Variants in MTCL1 observed in about 807,000 individuals in gnomAD.
MTCL1 encodes the protein microtubule cross-linking factor 1.
MTCL1 carries 79 observed loss-of-function variants against 141.4 expected under a neutral mutation model. That is an observed-to-expected ratio of 0.56 (90% confidence interval 0.47 to 0.67). MTCL1 has a LOEUF of 0.67. Ranked by LOEUF, MTCL1 falls within the 30% of genes least tolerant of loss-of-function variation. The pLI is 0.00. For synonymous variants in MTCL1, 914 were observed against 875.8 expected, an observed-to-expected ratio of 1.04 and a Z score of -0.77; for missense variants, 2,177 against 2,113.9, an observed-to-expected ratio of 1.03 and a Z score of -0.59.
At chr18:8,720,120 C>T in intron 3 of MTCL1, 1 of 513,780 alleles carries the variant, frequency 1.9e-6, no homozygotes, top group Non-Finnish European at 3.4e-6. Context: ...AATGCACCAC[C>T]ATCAGACCAG....
chr18:8,772,324 T>C (rs2096488194), intron 4 of MTCL1, among the ~76,000 whole-genome samples: 1 of 152,226 alleles, frequency 6.6e-6, no homozygotes, highest in South Asian at 2.1e-4. Flanking sequence ...AATCGGTGAA[T>C]AACTTCCATT....
rs542308852 is a variant in MTCL1, at chr18:8,757,593, C to T, written c.358-20240C>T. Among the ~76,000 whole-genome samples the T allele has an allele frequency of 2.4e-4, 36 of 152,308 alleles. No individual in the cohort carries two copies. The South Asian group carries it at 2.5e-3, about 11-fold the overall frequency. On this transcript the variant is annotated intron_variant, in intron 4 of 16. Coordinates refer to ENST00000359865, the Ensembl canonical transcript of MTCL1. ...CAATCAGTCAGCAGTGAGGAGACCCCGGCAGGGATCTAGAACAGGAAGGGG... is the reference window on the plus strand; with the variant it reads ...CAATCAGTCAGCAGTGAGGAGACCCTGGCAGGGATCTAGAACAGGAAGGGG...
At chr18:8,724,929 C>A (rs1300448961) in intron 4 of MTCL1, among the ~76,000 whole-genome samples, 5 of 151,532 alleles carry the variant, frequency 3.3e-5, no homozygotes, top group African/African-American at 1.2e-4. Context: ...TAGGCACCCA[C>A]ACGCCCTCTG....
chr18:8,778,562 C>T (rs115153766), intron 5 of MTCL1, among the ~76,000 whole-genome samples: 1 of 152,156 alleles, frequency 6.6e-6, no homozygotes, highest in African/African-American at 2.4e-5. Context: ...CAACCTCCAC[C>T]GACCTCCTGC....
exon 13 of MTCL1, chr18:8,819,021 G>A: frequency 6.2e-7 from 1 of 1,614,242 alleles, no homozygotes; most frequent in Non-Finnish European, 8.5e-7. Context: ...CAAAAAGACG[G>A]CAACGTTCGC....
intron 4 of MTCL1, among the ~76,000 whole-genome samples, chr18:8,726,505 G>A (rs766592715): frequency 4.5e-5 from 4 of 88,762 alleles, no homozygotes; most frequent in African/African-American, 1.1e-4. Flanking sequence ...GCGCGCGCGC[G>A]CGCAAGAGCG....
At chr18:8,731,525 GATCGCGTC>G (rs1163492521) in intron 4 of MTCL1, among the ~76,000 whole-genome samples, 1 of 152,034 alleles carries the variant, frequency 6.6e-6, no homozygotes, top group Non-Finnish European at 1.5e-5. Context: ...AGTGAGCCAA[GATCGCGTC>G]ATCGCACTCC....
At chr18:8,816,560 A>C (rs147796974) in intron 12 of MTCL1, among the ~76,000 whole-genome samples, 339 of 152,216 alleles carry the variant, frequency 2.2e-3, no homozygotes, top group African/African-American at 8.0e-3. Context: ...TTCTCCTTAG[A>C]ATTGTTGAGT....
rs1173989668 is a variant in MTCL1 at position 8,830,759 on chromosome 18, C to T, written c.*19-848C>T. On this transcript the variant is annotated intron_variant, in intron 16 of 16. Coordinates refer to ENST00000359865, the Ensembl canonical transcript of MTCL1. This position sits in a 1 kb window ranked among gnomAD's most constrained non-coding sequence, Gnocchi z 6.4. ...AGTTTTCTCATGCCACAGCTTTTTA[C>T]ATTTCTGTGTATCAGCAAATTCCAA... 1 of 985,316 alleles carries T rather than the reference C, an allele frequency of 1.0e-6. No homozygotes were observed. Among genetic ancestry groups the T allele is most frequent in the East Asian group, 1.1e-4 (1 of 8,826 alleles). The allele number at this position is 985,316 out of a possible 1,614,324, so 61.0% of individuals were successfully genotyped here.
Position 8,705,935 on chromosome 18 carries a change from C to T in MTCL1, c.275C>T (p.Ala92Val). 9.2e-7 allele frequency: 1 copy of T among 1,087,642 alleles called. No homozygotes were observed. The highest frequency in any genetic ancestry group is 1.1e-6 in the Non-Finnish European group (1 of 898,136). 67.4% of individuals were successfully genotyped at this position (1,087,642 alleles called of 1,614,324 possible). A position where few individuals can be genotyped will look rare whatever the true frequency, so the allele number is the denominator to read the frequency against. ...GCGCCGCCCTCGCCGGGGTCCCTGGCCGCGCCCGGCCGCCTCTCTCGGCGC... is the reference window on the plus strand; with the variant it reads ...GCGCCGCCCTCGCCGGGGTCCCTGGTCGCGCCCGGCCGCCTCTCTCGGCGC... Residue 92 changes from alanine to valine, a missense_variant, in exon 1 of 14, where the codon GCC (alanine) becomes GTC (valine). Ala to Val is a moderately conservative substitution (Grantham distance 64). Coordinates refer to the MTCL1 transcript ENST00000306329. The surrounding 1 kb of genome is among the most constrained non-coding windows in gnomAD (Gnocchi z 5.2).
At chr18:8,716,699 A>G (rs1474277865), upstream of MTCL1, among the ~76,000 whole-genome samples, 2 of 152,042 alleles carry the variant, frequency 1.3e-5, no homozygotes, top group South Asian at 2.1e-4. Context: ...AACAAAGGGA[A>G]TAGCAGGACG....
chr18:8,767,966 T>C lies in MTCL1; in HGVS notation c.358-9867T>C, dbSNP rs533300769. On this transcript the variant is annotated intron_variant, in intron 4 of 16. Coordinates refer to ENST00000359865, the Ensembl canonical transcript of MTCL1. ...TTTAATCCTACATTTAAAAGGTGAA[T>C]GTTTTATGAAAAATTTTGTCATTAA... 3.3e-5 allele frequency among the ~76,000 whole-genome samples: 5 copies of C among 152,374 alleles called. No individual in the cohort carries two copies. In the East Asian group the frequency reaches 9.6e-4, roughly 29 times the overall value.
At chr18:8,727,176 C>G (rs773230112) in intron 4 of MTCL1, among the ~76,000 whole-genome samples, 1 of 151,740 alleles carries the variant, frequency 6.6e-6, no homozygotes, top group African/African-American at 2.4e-5. Flanking sequence ...TGTATATATA[C>G]CACACTTTCT....
intron 4 of MTCL1, among the ~76,000 whole-genome samples, chr18:8,734,013 G>A (rs770633388): frequency 6.6e-6 from 1 of 152,084 alleles, no homozygotes; most frequent in Non-Finnish European, 1.5e-5. Flanking sequence ...AAGTAATAAG[G>A]CCCAGTTGTC....
rs1310176350 is a variant in MTCL1 at position 8,822,487 on chromosome 18, CGCCATGTTG to C, written c.3188+994_3188+1002del. Among the ~76,000 whole-genome samples, 1 of 152,134 alleles carries C rather than the reference CGCCATGTTG, an allele frequency of 6.6e-6. No homozygotes were observed. The highest frequency in any genetic ancestry group is 1.5e-5 in the Non-Finnish European group (1 of 68,020). ...TTGTCTTTTAATAGAAACAGAGTTT[CGCCATGTTG>C]GCCAGGCTGGTCTCGAATTCCTGAC... On this transcript the variant is annotated intron_variant, in intron 14 of 16. Coordinates refer to ENST00000359865, the Ensembl canonical transcript of MTCL1. The surrounding 1 kb of genome is among the most constrained non-coding windows in gnomAD (Gnocchi z 4.6).
chr18:8,752,171 T>C (rs373620486), intron 4 of MTCL1, among the ~76,000 whole-genome samples: 1 of 152,220 alleles, frequency 6.6e-6, no homozygotes, highest in African/African-American at 2.4e-5. Context: ...CAGGTCAGCA[T>C]TGACTTGCTG....
At chr18:8,789,793 A>AT (rs1380395071) in intron 7 of MTCL1, 5 of 797,484 alleles carry the variant, frequency 6.3e-6, no homozygotes, top group Non-Finnish European at 6.1e-6. Flanking sequence ...GGAAATATTT[A>AT]TTTTTTTAGA....
chr18:8,759,628 C>T (rs370725899), intron 4 of MTCL1, among the ~76,000 whole-genome samples: 80 of 152,238 alleles, frequency 5.3e-4, no homozygotes, highest in African/African-American at 1.9e-3. Context: ...AGCCAAAGGC[C>T]ATAATGAGGC....
intron 7 of MTCL1, 134 bp downstream of exon 6, chr18:8,786,225 A>G (rs1250979137): frequency 9.5e-7 from 1 of 1,049,832 alleles, no homozygotes; most frequent in Non-Finnish European, 1.4e-6. Flanking sequence ...GGTGGAACTC[A>G]CTTGACAGCA....
Sources: gnomAD v4.1 joint callset for allele counts (sites outside exome capture counted in the v4.1 genomes callset) on GRCh38, gnomAD v4.1.1 for gene constraint, Gnocchi (gnomAD v3.1) non-coding constraint, MANE v1.5 for transcripts, NCBI Gene and HGNC (gene_info 2026-07-23, HGNC 2026-07-21) for gene names.